Variants in RBFOX1 observed in about 807,000 individuals in gnomAD.
The protein encoded by RBFOX1 is RNA binding protein fox-1 homolog 1.
Under a neutral mutation model 57.7 loss-of-function variants are expected in RBFOX1, and 8 were observed. The observed-to-expected ratio is 0.14, with a 90% CI of 0.08 to 0.25. The LOEUF (loss-of-function observed/expected upper bound fraction) is 0.25. RBFOX1 is among the 10% of genes least tolerant of loss of function. The probability of loss-of-function intolerance (pLI) is 1.00; values close to 1 mark genes in which losing one functional copy is unlikely to be tolerated. For missense variants in RBFOX1, 611 were observed against 548.5 expected (o/e 1.11, Z -1.14); for synonymous variants, 326 against 222.4 (o/e 1.47, Z -4.15).
At chr16:6,841,954 C>T (rs972435341) in intron 3 of RBFOX1, among the ~76,000 whole-genome samples, 5 of 148,200 alleles carry the variant, frequency 3.4e-5, no homozygotes, top group South Asian at 2.1e-4. Context: ...CTGGCTAATA[C>T]GGTGAAACCC....
intron 3 of RBFOX1, among the ~76,000 whole-genome samples, chr16:6,786,403 C>T (rs2081969793): frequency 6.6e-6 from 1 of 152,126 alleles, no homozygotes; most frequent in Admixed American, 6.6e-5. Flanking sequence ...CTTTGGGCTT[C>T]ATGCATCATT....
chr16:5,492,533 T>C (rs998932933), intron 2 of RBFOX1, among the ~76,000 whole-genome samples: 1 of 152,230 alleles, frequency 6.6e-6, no homozygotes, highest in Admixed American at 6.5e-5. Flanking sequence ...GAAGAGATTT[T>C]AATGGAGAGA....
chr16:5,317,724 C>T (rs189808400), intron 1 of RBFOX1, among the ~76,000 whole-genome samples: 8 of 152,264 alleles, frequency 5.3e-5, no homozygotes, highest in South Asian at 2.1e-4. Context: ...TGTTTCTTCT[C>T]GTGATCAGGC....
At chr16:6,537,226 C>T (rs1476978) in intron 2 of RBFOX1, among the ~76,000 whole-genome samples, 68,413 of 151,984 alleles carry the variant, frequency 0.45, 15,992 homozygotes, top group Non-Finnish European at 0.52. Context: ...TAATAAGCTT[C>T]CAGGTGTTGT....
intron 1 of RBFOX1, among the ~76,000 whole-genome samples, chr16:6,129,081 C>T (rs1363623734): frequency 7.7e-6 from 1 of 129,572 alleles, no homozygotes; most frequent in Non-Finnish European, 1.8e-5. Context: ...ATCTGGATTT[C>T]TATAATGCAT....
intron 2 of RBFOX1, among the ~76,000 whole-genome samples, chr16:6,544,453 G>A (rs550403199): frequency 6.6e-6 from 1 of 152,312 alleles, no homozygotes; most frequent in South Asian, 2.1e-4. Flanking sequence ...CGGATGTTCT[G>A]GGAGGCACTG....
intron 3 of RBFOX1, among the ~76,000 whole-genome samples, chr16:7,019,206 T>A (rs1048622109): frequency 2.6e-5 from 4 of 152,124 alleles, no homozygotes; most frequent in African/African-American, 9.7e-5. Context: ...TATAAAATTA[T>A]ATAATATTAG....
chr16:6,957,285 C>A (rs1009145771), intron 3 of RBFOX1, among the ~76,000 whole-genome samples: 1 of 151,864 alleles, frequency 6.6e-6, no homozygotes, highest in East Asian at 1.9e-4. Context: ...GTGCCCACCA[C>A]TGCGCCAGGC....
At chr16:6,704,358 G>C (rs2062355557) in intron 3 of RBFOX1, 1 of 152,248 alleles carries the variant, frequency 6.6e-6, no homozygotes, top group South Asian at 2.1e-4. Flanking sequence ...AGATTTAGGA[G>C]ACGACCCTGC....
chr16:6,986,302 G>C (rs2090265602), intron 3 of RBFOX1, among the ~76,000 whole-genome samples: 1 of 152,034 alleles, frequency 6.6e-6, no homozygotes, highest in South Asian at 2.1e-4. Context: ...CCGGGTTCAA[G>C]CGACTCTTGC....
chr16:6,810,419 C>T (rs192495719), intron 3 of RBFOX1, among the ~76,000 whole-genome samples: 2 of 152,016 alleles, frequency 1.3e-5, no homozygotes, highest in African/African-American at 4.8e-5. Context: ...GGTACTTTTT[C>T]CTGGGAGAAG....
chr16:6,602,745 C>G (rs2097869385), intron 2 of RBFOX1, among the ~76,000 whole-genome samples: 1 of 137,326 alleles, frequency 7.3e-6, no homozygotes, highest in East Asian at 2.1e-4. Context: ...TTTCCACTTG[C>G]TGCTTTATCC....
At chr16:5,437,530 G>A (rs938807929) in intron 1 of RBFOX1, among the ~76,000 whole-genome samples, 1 of 152,118 alleles carries the variant, frequency 6.6e-6, no homozygotes, top group Non-Finnish European at 1.5e-5. Flanking sequence ...TCCAACCATA[G>A]ATGAATCTCT....
intron 4 of RBFOX1, among the ~76,000 whole-genome samples, chr16:7,427,935 C>T (rs566338834): frequency 5.3e-5 from 8 of 152,252 alleles, no homozygotes; most frequent in East Asian, 1.9e-4. Flanking sequence ...CCACCATGCA[C>T]AGTCTTAATT....
At chr16:5,553,618 T>C (rs1237220127) in intron 2 of RBFOX1, among the ~76,000 whole-genome samples, 1 of 151,370 alleles carries the variant, frequency 6.6e-6, no homozygotes, top group Non-Finnish European at 1.5e-5. Flanking sequence ...CCCAGCCATG[T>C]CTGAATATTT....
intron 6 of RBFOX1, among the ~76,000 whole-genome samples, chr16:7,585,684 A>G (rs894472660): frequency 2.0e-5 from 3 of 152,174 alleles, no homozygotes; most frequent in African/African-American, 7.2e-5. Context: ...GGCTGTCTGT[A>G]TTCAAGTGGC....
At chr16:7,412,781 G>A (rs1478568506) in intron 4 of RBFOX1, among the ~76,000 whole-genome samples, 6 of 152,170 alleles carry the variant, frequency 3.9e-5, no homozygotes, top group African/African-American at 9.7e-5. Flanking sequence ...GGTGGCTCAC[G>A]CCTGTGATCC....
rs76505345 is a variant in RBFOX1 at position 6,695,752 on chromosome 16, C to T, written c.-16+41102C>T. ...ATATAGTTCAAGAATCATGAATCCT[C>T]TCTGTACTTCTTGTAGCAAAAGTAA... is the stretch of plus-strand genomic sequence containing the variant. On this transcript the variant is annotated intron_variant, in intron 3 of 15. Transcript: ENST00000550418. 2.9e-3 allele frequency among the ~76,000 whole-genome samples: 440 copies of T among 152,330 alleles called. 3 individuals carry two copies. The highest frequency in any genetic ancestry group is 0.01 in the African/African-American group (421 of 41,578).
At chr16:5,579,766 T>C (rs1033909272) in intron 2 of RBFOX1, among the ~76,000 whole-genome samples, 6 of 151,654 alleles carry the variant, frequency 4.0e-5, no homozygotes, top group African/African-American at 1.2e-4. Flanking sequence ...CTTTCTTTTT[T>C]TTTTTTTCCT....
Sources: allele counts gnomAD v4.1 joint callset (sites outside exome capture counted in the v4.1 genomes callset), GRCh38; gene constraint gnomAD v4.1.1; transcripts MANE v1.5; gene names NCBI Gene and HGNC (gene_info 2026-07-23, HGNC 2026-07-21).